The following DNAH14 variants were observed in gnomAD, a reference collection of about 807,000 sequenced individuals.
DNAH14 encodes axonemal beta dynein heavy chain 14.
In DNAH14, 478 loss-of-function variants were observed where a neutral mutation model predicts 520.9. The ratio of observed to expected loss-of-function variants is 0.92; its 90% CI spans 0.85 to 0.99. The LOEUF is 0.99. DNAH14 is among the 50% of genes least tolerant of loss of function. DNAH14 has a pLI of 0.00. For missense variants in DNAH14, 4,831 were observed against 5,234.5 expected (o/e 0.92, Z 2.38); for synonymous variants, 1,581 against 1,757.2 (o/e 0.90, Z 2.51).
At chr1:225,369,100 A>G (rs1286885871) in intron 77 of DNAH14, among the ~76,000 whole-genome samples, 1 of 152,152 alleles carries the variant, frequency 6.6e-6, no homozygotes, top group Admixed American at 6.5e-5. Context: ...AATAAAAGTC[A>G]CCTTTAATAG....
chr1:225,100,610 T>G, intron 22 of DNAH14, 103 bp from the exon 23 acceptor site: 1 of 945,084 alleles, frequency 1.1e-6, no homozygotes, highest in Non-Finnish European at 1.5e-6. Context: ...TAACATCAAA[T>G]GTTTTATAAC....
chr1:225,302,275 T>C (rs902334578), intron 56 of DNAH14, among the ~76,000 whole-genome samples: 1 of 151,802 alleles, frequency 6.6e-6, no homozygotes, highest in African/African-American at 2.4e-5. Context: ...AAAACAAAGA[T>C]AGATATTTTC....
intron 27 of DNAH14, among the ~76,000 whole-genome samples, chr1:225,134,238 C>T (rs1291818185): frequency 1.3e-5 from 2 of 152,040 alleles, no homozygotes; most frequent in Non-Finnish European, 2.9e-5. Context: ...GCCTGATTGC[C>T]CTGGCTGGAA....
At chr1:225,396,760 A>C (rs1205690776) in intron 84 of DNAH14, 1 of 152,214 alleles carries the variant, frequency 6.6e-6, no homozygotes, top group East Asian at 1.9e-4. Context: ...GAAGAGTTAA[A>C]TCACTCCAAA....
intron 1 of DNAH14, among the ~76,000 whole-genome samples, chr1:224,942,391 A>C (rs1454533537): frequency 6.6e-6 from 1 of 152,212 alleles, no homozygotes; most frequent in Non-Finnish European, 1.5e-5. Context: ...CTATCAGCTT[A>C]AGGAGATTTT....
At chr1:225,223,419 G>C (rs1213940721) in intron 41 of DNAH14, among the ~76,000 whole-genome samples, 2 of 152,120 alleles carry the variant, frequency 1.3e-5, no homozygotes, top group Non-Finnish European at 2.9e-5. Flanking sequence ...GGGTAGACCA[G>C]TGACCTTTAA....
At chr1:224,972,646 T>C (rs1404652560) in intron 7 of DNAH14, among the ~76,000 whole-genome samples, 1 of 152,060 alleles carries the variant, frequency 6.6e-6, no homozygotes, top group East Asian at 1.9e-4. Flanking sequence ...TTTGTATTTT[T>C]AGTAGACACA....
intron 5 of DNAH14, among the ~76,000 whole-genome samples, chr1:224,966,622 C>T (rs1421848818): frequency 1.3e-5 from 2 of 152,154 alleles, no homozygotes; most frequent in African/African-American, 4.8e-5. Context: ...CTTGGATTCA[C>T]ATCCCTACGT....
At chr1:225,178,735 G>A (rs2083624790) in intron 36 of DNAH14, among the ~76,000 whole-genome samples, 1 of 152,136 alleles carries the variant, frequency 6.6e-6, no homozygotes, top group African/African-American at 2.4e-5. Flanking sequence ...TGTTGGGAAG[G>A]CATGACTGGT....
chr1:225,325,671 G>A (rs1177170286), intron 64 of DNAH14, among the ~76,000 whole-genome samples: 1 of 152,156 alleles, frequency 6.6e-6, no homozygotes, highest in Non-Finnish European at 1.5e-5. Context: ...TTTTGAGAGT[G>A]AGCAAAGTAA....
chr1:225,192,970 A>C (rs2085639782), intron 38 of DNAH14, 59 bp downstream of exon 38: 1 of 1,277,034 alleles, frequency 7.8e-7, no homozygotes, highest in African/African-American at 1.5e-5. Flanking sequence ...TTAATTGCTT[A>C]TCCAAAGACT....
At chr1:225,032,481 T>C (rs893970483) in intron 11 of DNAH14, among the ~76,000 whole-genome samples, 1 of 152,132 alleles carries the variant, frequency 6.6e-6, no homozygotes, top group African/African-American at 2.4e-5. Context: ...CAGTCTGTCA[T>C]TGATGGGCAT....
intron 60 of DNAH14, among the ~76,000 whole-genome samples, chr1:225,309,617 G>A (rs535901859): frequency 5.5e-4 from 83 of 152,272 alleles, no homozygotes; most frequent in African/African-American, 1.9e-3. Flanking sequence ...GTAAGGGGCC[G>A]AGCGGGGTGG....
intron 37 of DNAH14, among the ~76,000 whole-genome samples, chr1:225,187,635 A>G (rs1405265944): frequency 6.6e-6 from 1 of 151,886 alleles, no homozygotes; most frequent in African/African-American, 2.4e-5. Flanking sequence ...CTGTTTCTCC[A>G]TATCCTCACC....
At chr1:225,009,369 C>T (rs1049714749) in intron 10 of DNAH14, among the ~76,000 whole-genome samples, 2 of 152,158 alleles carry the variant, frequency 1.3e-5, no homozygotes, top group Non-Finnish European at 2.9e-5. Context: ...GGAATCCTTT[C>T]CCCATTTCTT....
chr1:225,074,862 G>T (rs2072051131), intron 17 of DNAH14, among the ~76,000 whole-genome samples: 1 of 152,204 alleles, frequency 6.6e-6, no homozygotes, highest in Admixed American at 6.5e-5. Context: ...ACCTGTGGCT[G>T]GCTGGAATTC....
At chr1:225,393,873 C>T (rs1265030472) in intron 84 of DNAH14, among the ~76,000 whole-genome samples, 1 of 150,030 alleles carries the variant, frequency 6.7e-6, no homozygotes, top group Non-Finnish European at 1.5e-5. Context: ...GGCTGGAGTG[C>T]AGTGGCACGA....
At chr1:225,209,940 A>G (rs2088133402) in intron 41 of DNAH14, among the ~76,000 whole-genome samples, 1 of 152,110 alleles carries the variant, frequency 6.6e-6, no homozygotes, top group Non-Finnish European at 1.5e-5. Context: ...TGTGAGGGAC[A>G]ATGCCATGAG....
At chr1:225,349,983 A>G (rs1346188694) in intron 71 of DNAH14, among the ~76,000 whole-genome samples, 1 of 152,162 alleles carries the variant, frequency 6.6e-6, no homozygotes, top group Non-Finnish European at 1.5e-5. Context: ...CTTCCCAATA[A>G]CAGCAGGATA....
Sources: gnomAD v4.1 joint callset for allele counts (sites outside exome capture counted in the v4.1 genomes callset) on GRCh38, gnomAD v4.1.1 for gene constraint, MANE v1.5 for transcripts, NCBI Gene and HGNC (gene_info 2026-07-23, HGNC 2026-07-21) for gene names.